Variants in EVI5 observed in about 807,000 individuals in gnomAD.
EVI5 encodes the protein ecotropic viral integration site 5, also known as ecotropic viral integration site 5 protein homolog.
In EVI5, 73 loss-of-function variants were observed where a neutral mutation model predicts 112.0. The observed-to-expected ratio is 0.65, with a 90% CI of 0.54 to 0.79. EVI5 has a LOEUF of 0.79. Ranked by LOEUF, EVI5 falls within the 30% of genes least tolerant of loss-of-function variation. The probability of loss-of-function intolerance (pLI) is 0.00; values close to 1 mark genes in which losing one functional copy is unlikely to be tolerated. For synonymous variants in EVI5, 305 were observed against 319.9 expected (o/e 0.95, Z 0.50); for missense variants, 900 against 968.8 (o/e 0.93, Z 0.94).
chr1:92,777,864 G>A (rs754242557), intron 1 of EVI5, among the ~76,000 whole-genome samples: 55 of 151,470 alleles, frequency 3.6e-4, no homozygotes, highest in Admixed American at 1.2e-3. Flanking sequence ...AATTTTGGAA[G>A]CTGGAAAGCA....
intron 9 of EVI5, among the ~76,000 whole-genome samples, chr1:92,686,125 G>C (rs1169585870): frequency 6.6e-6 from 1 of 152,174 alleles, no homozygotes; most frequent in Non-Finnish European, 1.5e-5. Context: ...ATACCCCGAT[G>C]AACACTGATG....
At chr1:92,660,286 C>T (rs1326031013) in intron 13 of EVI5, among the ~76,000 whole-genome samples, 1 of 151,958 alleles carries the variant, frequency 6.6e-6, no homozygotes. Context: ...CATGGATGAA[C>T]CTGGAGGACA....
intron 1 of EVI5, among the ~76,000 whole-genome samples, chr1:92,770,352 A>T (rs1683198377): frequency 6.6e-6 from 1 of 152,212 alleles, no homozygotes; most frequent in Admixed American, 6.5e-5. Context: ...TCCTCTATTG[A>T]TGGATACTTG....
In EVI5 at chr1:92,634,975, C is replaced by G. The variant is rs752563056; in HGVS notation, c.1527+1227G>C. 7.2e-5 allele frequency among the ~76,000 whole-genome samples: 11 copies of G among 152,316 alleles called. No homozygotes were observed. In the East Asian group the frequency reaches 2.1e-3, roughly 29 times the overall value. On this transcript the variant is annotated intron_variant, in intron 14 of 19. Coordinates refer to ENST00000684568, the MANE Select transcript of EVI5 (RefSeq NM_001350197.2). ...ACCCTGTTTGCCTGTGTATCAGCAG[C>G]GGAGGCTGCAGAACAGCAGATATTT...
rs543099648 is a variant in EVI5, at chr1:92,692,335, C to T, written c.1097+1467G>A. Among the ~76,000 whole-genome samples the T allele has an allele frequency of 4.6e-5, 7 of 152,282 alleles. No homozygotes were observed. In the East Asian group the frequency reaches 1.3e-3, roughly 29 times the overall value. On this transcript the variant is annotated intron_variant, in intron 9 of 19. Coordinates refer to ENST00000684568, the MANE Select transcript of EVI5 (RefSeq NM_001350197.2). The stretch of plus-strand genomic sequence containing the variant: ...AAAGTCAAATAAATTCTCTGCCTGG[C>T]TAGTGTGAGTTCAATGTGGTTTTAC...
At chr1:92,565,948 C>CCAAAAAAAAA (rs1669381967) in intron 18 of EVI5, among the ~76,000 whole-genome samples, 1 of 51,858 alleles carries the variant, frequency 1.9e-5, no homozygotes, top group Non-Finnish European at 3.0e-5. Context: ...CCAGCCCGAG[C>CCAAAAAAAAA]AAAAAAAAAA....
chr1:92,670,003 T>C (rs1341879268), intron 10 of EVI5, among the ~76,000 whole-genome samples: 1 of 152,182 alleles, frequency 6.6e-6, no homozygotes, highest in Admixed American at 6.5e-5. Context: ...AGAGCAAGAA[T>C]GAAATACTTA....
intron 18 of EVI5, among the ~76,000 whole-genome samples, chr1:92,579,617 T>G (rs1301279581): frequency 5.3e-5 from 8 of 152,238 alleles, no homozygotes; most frequent in Non-Finnish European, 1.0e-4. Context: ...CTGTATACAT[T>G]TCTCCATTAC....
At chr1:92,653,217 G>C (rs988769421) in intron 13 of EVI5, among the ~76,000 whole-genome samples, 1 of 152,238 alleles carries the variant, frequency 6.6e-6, no homozygotes, top group African/African-American at 2.4e-5. Flanking sequence ...GAGCCCCATA[G>C]ACATTCCCTG....
At chr1:92,775,985 G>A (rs1684075641) in intron 1 of EVI5, among the ~76,000 whole-genome samples, 1 of 151,906 alleles carries the variant, frequency 6.6e-6, no homozygotes, top group African/African-American at 2.4e-5. Flanking sequence ...GTGGGCGCCT[G>A]TAGTCCCAGC....
At chr1:92,530,817 C>T (rs555831333) in intron 19 of EVI5, among the ~76,000 whole-genome samples, 6 of 152,058 alleles carry the variant, frequency 3.9e-5, no homozygotes, top group South Asian at 2.1e-4. Flanking sequence ...GATAAATCCA[C>T]GAAGATGGGG....
At chr1:92,686,211 G>A (rs567624133) in intron 9 of EVI5, among the ~76,000 whole-genome samples, 1 of 152,264 alleles carries the variant, frequency 6.6e-6, no homozygotes, top group African/African-American at 2.4e-5. Flanking sequence ...GATCAAGTTG[G>A]CTTCATCCCT....
intron 13 of EVI5, among the ~76,000 whole-genome samples, chr1:92,648,202 A>C (rs1247164959): frequency 3.2e-4 from 2 of 6,292 alleles, no homozygotes; most frequent in Non-Finnish European, 1.2e-3. Context: ...AAAAAAAAAA[A>C]AAAAAAAAAA....
intron 10 of EVI5, among the ~76,000 whole-genome samples, chr1:92,671,460 A>G (rs970022232): frequency 6.6e-5 from 10 of 152,066 alleles, no homozygotes; most frequent in African/African-American, 2.4e-4. Flanking sequence ...AATCTCACCC[A>G]TTCTCATGGC....
At chr1:92,759,402 A>C (rs1558215691) in intron 1 of EVI5, among the ~76,000 whole-genome samples, 1 of 152,200 alleles carries the variant, frequency 6.6e-6, no homozygotes, top group Non-Finnish European at 1.5e-5. Flanking sequence ...CCTAAGCCTC[A>C]CTCAGAAGTA....
intron 15 of EVI5, 157 bp downstream of exon 15, chr1:92,625,637 A>C (rs1303695742): frequency 1.8e-6 from 1 of 568,672 alleles, no homozygotes. Context: ...GCTTAAGTGC[A>C]CTTTCAGTTT....
chr1:92,760,831 C>A lies in EVI5; in HGVS notation c.-82+24005G>T, dbSNP rs368918190. 5.3e-5 allele frequency among the ~76,000 whole-genome samples: 8 copies of A among 151,472 alleles called. No individual in the cohort carries two copies. The East Asian group carries it at 9.8e-4, about 19-fold the overall frequency. On this transcript the variant is annotated intron_variant, in intron 1 of 19. Coordinates refer to ENST00000684568, the MANE Select transcript of EVI5 (RefSeq NM_001350197.2). ...CAGCACTTTGGGAGGCCGAGGCGGG[C>A]AGATCACGAAGTCAGGAGATCGAGA...
At chr1:92,673,185 C>CTTTTTTTTTT (rs35702596) in intron 10 of EVI5, among the ~76,000 whole-genome samples, 12 of 123,582 alleles carry the variant, frequency 9.7e-5, no homozygotes, top group African/African-American at 3.2e-4. Flanking sequence ...TAACACTTCT[C>CTTTTTTTTTT]TTTTTTTTTT....
intron 13 of EVI5, among the ~76,000 whole-genome samples, chr1:92,637,912 C>T (rs1352354037): frequency 6.6e-6 from 1 of 152,106 alleles, no homozygotes; most frequent in Non-Finnish European, 1.5e-5. Flanking sequence ...ACTATTGAAA[C>T]AATATTTCAA....
Sources: allele counts gnomAD v4.1 joint callset (sites outside exome capture counted in the v4.1 genomes callset), GRCh38; gene constraint gnomAD v4.1.1; transcripts MANE v1.5; gene names NCBI Gene and HGNC (gene_info 2026-07-23, HGNC 2026-07-21).